NELL1: variants seen among roughly 807,000 people sequenced by gnomAD.
The protein encoded by NELL1 is protein kinase C-binding protein NELL1.
Under a neutral mutation model 107.4 loss-of-function variants are expected in NELL1, and 76 were observed. The observed-to-expected ratio is 0.71, with a 90% CI of 0.59 to 0.86. NELL1 has a LOEUF of 0.86. NELL1 is among the 40% of genes least tolerant of loss of function. The pLI is 0.00. For synonymous variants in NELL1, 353 were observed against 341.2 expected, an observed-to-expected ratio of 1.03 and a Z score of -0.38; for missense variants, 1,024 against 1,005.5, an observed-to-expected ratio of 1.02 and a Z score of -0.25.
chr11:21,377,870 G>C (rs780715377), intron 15 of NELL1, among the ~76,000 whole-genome samples: 14 of 151,988 alleles, frequency 9.2e-5, no homozygotes, highest in Middle Eastern at 3.2e-3. Context: ...ATTTCTGTGG[G>C]ATCTGGTTGT....
In NELL1 at chr11:21,184,300, G is replaced by C. The variant is rs569639159; in HGVS notation, c.1427-45032G>C. On this transcript the variant is annotated intron_variant, in intron 13 of 19. Coordinates refer to ENST00000357134, the MANE Select transcript of NELL1 (RefSeq NM_006157.5). The stretch of plus-strand genomic sequence containing the variant: ...TGTTTTGTTTTTGAGATGGAGTCTT[G>C]CTTTTTCACCCAGGCTGGAGTGCAG... 3.9e-4 allele frequency among the ~76,000 whole-genome samples: 59 copies of C among 151,630 alleles called. 1 individual carries two copies. In the South Asian group the frequency reaches 0.012, roughly 30 times the overall value.
At chr11:20,873,217 T>C (rs1472385176) in intron 4 of NELL1, among the ~76,000 whole-genome samples, 1 of 152,172 alleles carries the variant, frequency 6.6e-6, no homozygotes, top group Non-Finnish European at 1.5e-5. Flanking sequence ...CTGGAAAAGA[T>C]GGGACCGACG....
chr11:21,530,108 A>G (rs1263810551), intron 15 of NELL1, among the ~76,000 whole-genome samples: 4 of 152,160 alleles, frequency 2.6e-5, no homozygotes, highest in East Asian at 1.9e-4. Context: ...GTACTAGCAC[A>G]TGGTGGGTGC....
chr11:21,192,784 T>C (rs1030858694), intron 13 of NELL1, among the ~76,000 whole-genome samples: 1 of 151,792 alleles, frequency 6.6e-6, no homozygotes, highest in African/African-American at 2.4e-5. Flanking sequence ...GCCACTTTTT[T>C]CTGGGCATAC....
chr11:21,248,474 G>A (rs1858552150), intron 14 of NELL1, among the ~76,000 whole-genome samples: 1 of 152,290 alleles, frequency 6.6e-6, no homozygotes, highest in South Asian at 2.1e-4. Flanking sequence ...TTGGGTGATG[G>A]CAAGAAATCA....
chr11:21,513,146 C>G (rs1478878200), intron 15 of NELL1, among the ~76,000 whole-genome samples: 1 of 152,130 alleles, frequency 6.6e-6, no homozygotes, highest in Non-Finnish European at 1.5e-5. Flanking sequence ...GCCAATCAGT[C>G]TATTCCTGCT....
chr11:20,940,664 G>T (rs1033204163), intron 10 of NELL1, among the ~76,000 whole-genome samples: 3 of 152,104 alleles, frequency 2.0e-5, no homozygotes, highest in South Asian at 4.1e-4. Context: ...TTATAAACTG[G>T]TCTCCGAAAC....
intron 14 of NELL1, among the ~76,000 whole-genome samples, chr11:21,315,393 T>A (rs1372670977): frequency 1.3e-5 from 2 of 152,108 alleles, no homozygotes; most frequent in Non-Finnish European, 2.9e-5. Flanking sequence ...ATTGGAATAG[T>A]ATAGAGACAG....
chr11:21,299,110 TG>T (rs2133969199), intron 14 of NELL1, among the ~76,000 whole-genome samples: 1 of 152,104 alleles, frequency 6.6e-6, no homozygotes, highest in East Asian at 1.9e-4. Flanking sequence ...GGATCCCCAC[TG>T]AGTTGATAAC....
chr11:21,322,041 T>C (rs2133667845), intron 14 of NELL1, among the ~76,000 whole-genome samples: 1 of 152,324 alleles, frequency 6.6e-6, no homozygotes, highest in African/African-American at 2.4e-5. Flanking sequence ...AATCAGACTG[T>C]GCTTACTTTC....
At chr11:21,332,049 A>G (rs1183990842) in intron 14 of NELL1, among the ~76,000 whole-genome samples, 1 of 151,994 alleles carries the variant, frequency 6.6e-6, no homozygotes, top group Non-Finnish European at 1.5e-5. Context: ...AACTATTTCT[A>G]TAGATGGTCT....
At chr11:21,440,655 T>C (rs778143354) in intron 15 of NELL1, among the ~76,000 whole-genome samples, 22 of 151,874 alleles carry the variant, frequency 1.4e-4, no homozygotes, top group South Asian at 2.1e-4. Context: ...AAAAAATGGG[T>C]ATGAAAACAT....
chr11:21,037,858 T>C (rs1853134474), intron 12 of NELL1, among the ~76,000 whole-genome samples: 1 of 152,194 alleles, frequency 6.6e-6, no homozygotes. Flanking sequence ...TTTCAGGACA[T>C]GTATTCTGCC....
intron 3 of NELL1, among the ~76,000 whole-genome samples, chr11:20,843,793 G>A (rs1848659781): frequency 6.6e-6 from 1 of 151,288 alleles, no homozygotes; most frequent in South Asian, 2.1e-4. Flanking sequence ...TAGAATTATT[G>A]TTCCTGAATT....
At chr11:20,728,486 A>C (rs952096623) in intron 2 of NELL1, among the ~76,000 whole-genome samples, 4 of 152,242 alleles carry the variant, frequency 2.6e-5, no homozygotes, top group African/African-American at 9.6e-5. Flanking sequence ...TAATTTTTGT[A>C]AATAGTGAAA....
intron 12 of NELL1, among the ~76,000 whole-genome samples, chr11:21,109,854 T>G (rs1855064212): frequency 6.6e-6 from 1 of 152,126 alleles, no homozygotes; most frequent in South Asian, 2.1e-4. Context: ...ATAATCAGAT[T>G]TGCTTTTGAT....
At chr11:20,693,490 A>G (rs1038856539) in intron 2 of NELL1, among the ~76,000 whole-genome samples, 6 of 152,006 alleles carry the variant, frequency 3.9e-5, no homozygotes, top group Non-Finnish European at 5.9e-5. Flanking sequence ...TGGGTTGACA[A>G]AATCTCTCAG....
intron 15 of NELL1, among the ~76,000 whole-genome samples, chr11:21,467,486 A>T (rs571676660): frequency 2.6e-4 from 39 of 152,100 alleles, no homozygotes; most frequent in Admixed American, 3.9e-4. Context: ...ATCAACTGTA[A>T]GAAAAAGTGT....
At chr11:21,533,283 T>C (rs1330645482) in intron 15 of NELL1, among the ~76,000 whole-genome samples, 3 of 152,154 alleles carry the variant, frequency 2.0e-5, no homozygotes, top group Non-Finnish European at 4.4e-5. Context: ...ATAGAACCAA[T>C]GGTAGCTGAT....
Sources: allele counts gnomAD v4.1 joint callset (sites outside exome capture counted in the v4.1 genomes callset), GRCh38; gene constraint gnomAD v4.1.1; transcripts MANE v1.5; gene names NCBI Gene and HGNC (gene_info 2026-07-23, HGNC 2026-07-21).